The following AHNAK2 variants were observed in gnomAD, a reference collection of about 807,000 sequenced individuals.
The protein encoded by AHNAK2 is protein AHNAK2.
Under a neutral mutation model 30.7 loss-of-function variants are expected in AHNAK2, and 18 were observed. The observed-to-expected ratio is 0.59, with a 90% CI of 0.41 to 0.87. The LOEUF is 0.87. Ranked by LOEUF, AHNAK2 falls within the 40% of genes least tolerant of loss-of-function variation. AHNAK2 has a pLI of 0.00. For synonymous variants in AHNAK2, 3,590 were observed against 3,073.8 expected (o/e 1.17, Z -5.56); for missense variants, 8,604 against 7,373.0 (o/e 1.17, Z -6.11).
chr14:104,958,286 T>C (rs1899039315), intron 1 of AHNAK2, among the ~76,000 whole-genome samples: 1 of 152,054 alleles, frequency 6.6e-6, no homozygotes, highest in Admixed American at 6.5e-5. Flanking sequence ...CCATCTCTAC[T>C]AAAAATACAA....
rs765960602 is a variant in AHNAK2, at chr14:104,949,909, C to T, written c.5542G>A (p.Val1848Met). 2 of 1,589,688 alleles carry T rather than the reference C, an allele frequency of 1.3e-6. No individual in the cohort carries two copies. The highest frequency in any genetic ancestry group is 1.1e-5 in the South Asian group (1 of 90,156). ...TCGGCCTCCACCTTCGGCGCAGACA[C>T]ATCCACCGAGGCCTCGATGGACTTG... ...PGKSIEASVDVSAPKVEAEVS... is the reference protein window; with the variant it reads ...PGKSIEASVDMSAPKVEAEVS... The change falls in exon 7 of 7, where the codon GTG becomes ATG. Residue 1848 changes from valine (V) to methionine (M), a missense_variant. Transcript: ENST00000333244.
chr14:104,939,343 C>T lies in AHNAK2; in HGVS notation c.16108G>A (p.Val5370Met), dbSNP rs1416421421. Residue 5370 changes from valine to methionine, a missense_variant, in exon 7 of 7, where the codon GTG becomes ATG. By Grantham distance (21) the Val-to-Met change is conservative. Coordinates refer to ENST00000333244, the MANE Select transcript of AHNAK2 (RefSeq NM_138420.4). ...SSTDMPSQIS[V>M]VNVDQLWEDS... ...TCCCACAGTTGATCCACATTAACCA[C>T]AGAAATCTGGGATGGCATATCAGTA... The T allele has an allele frequency of 1.2e-6, 2 of 1,613,596 alleles. No individual in the cohort carries two copies. The highest frequency in any genetic ancestry group is 1.7e-6 in the Non-Finnish European group (2 of 1,179,862).
rs1383485083 is a variant in AHNAK2 at position 104,937,796 on chromosome 14, T to C, written c.*267A>G. On this transcript the variant is annotated 3_prime_UTR_variant, in exon 7 of 7. Coordinates refer to ENST00000333244, the MANE Select transcript of AHNAK2 (RefSeq NM_138420.4). Reference sequence around the variant, plus strand: ...CAACAAACTTCCCCAGCAGTGCCTCTGAGTACCGTGTGAATTCTGGTGTCT... The same window carrying C: ...CAACAAACTTCCCCAGCAGTGCCTCCGAGTACCGTGTGAATTCTGGTGTCT... The C allele has an allele frequency of 4.4e-6, 2 of 450,040 alleles. No homozygotes were observed. The highest frequency in any genetic ancestry group is 7.8e-6 in the Non-Finnish European group (2 of 256,332). The allele number at this position is 450,040 out of a possible 1,614,324, so 27.9% of individuals were successfully genotyped here.
In AHNAK2 at chr14:104,952,484, C is replaced by T. The variant is rs1179653667; in HGVS notation, c.2967G>A (p.Lys989=). The T allele has an allele frequency of 3.7e-6, 6 of 1,612,686 alleles. No individual in the cohort carries two copies. Among genetic ancestry groups the T allele is most frequent in the Non-Finnish European group, 5.1e-6 (6 of 1,179,654 alleles). The change falls in exon 7 of 7, where the codon AAG becomes AAA. Residue 989 remains lysine, a synonymous_variant. Transcript: ENST00000333244. ...WLEGDLSLAD[K]DVTAKDSKFK... ...ACTTGCTGTCTTTGGCAGTCACGTC[C>T]TTGTCGGCCAGGGACAGGTCCCCCT...
At position 104,947,332 on chromosome 14, in the gene AHNAK2, C is replaced by T. The variant is rs754004666; in HGVS notation, c.8119G>A (p.Val2707Ile). 8 of 1,612,402 alleles carry T rather than the reference C, an allele frequency of 5.0e-6. No individual in the cohort carries two copies. Among genetic ancestry groups the T allele is most frequent in the South Asian group, 1.1e-5 (1 of 91,042 alleles). The change falls in exon 7 of 7, where the codon GTC (valine) becomes ATC (isoleucine). Residue 2707 changes from valine (V) to isoleucine (I), a missense_variant. By Grantham distance (29) the Val-to-Ile change is conservative (BLOSUM62 3). Transcript: ENST00000333244. ...TTCACATCCACCTGGCCAGCCTGGA[C>T]CTCCAGTTGGGCAGAGGGGGGCTGA... ...SIQPPSAQLE[V>I]QAGQVDVKLP...
intron 1 of AHNAK2, among the ~76,000 whole-genome samples, chr14:104,962,403 G>A (rs1345455437): frequency 1.3e-5 from 2 of 152,144 alleles, no homozygotes; most frequent in Non-Finnish European, 2.9e-5. Flanking sequence ...ACACTTACAT[G>A]GCCAATTCAT....
In AHNAK2 at chr14:104,947,195, A is replaced by T. The variant is rs767016314; in HGVS notation, c.8256T>A (p.Asp2752Glu). 1 of 1,610,360 alleles carries T rather than the reference A, an allele frequency of 6.2e-7. No individual in the cohort carries two copies. The change falls in exon 7 of 7, where the codon GAT (aspartate) becomes GAA (glutamate). Residue 2752 changes from aspartate (D) to glutamate (E), a missense_variant. Physicochemically the swap from Asp to Glu is conservative, Grantham distance 45. Transcript: ENST00000333244. Reference protein sequence around the residue: ...PEVDLKGPQIDVKGPNVDLKG... With the variant: ...PEVDLKGPQIEVKGPNVDLKG... ...TCAGGTCCACGTTGGGGCCCTTAAC[A>T]TCTATCTGGGGGCCCTTGAGGTCCA...
rs1349623976 is a variant in AHNAK2 at position 104,952,955 on chromosome 14, C to A, written c.2496G>T (p.Lys832Asn). 2 of 1,612,590 alleles carry A rather than the reference C, an allele frequency of 1.2e-6. No homozygotes were observed. Among genetic ancestry groups the A allele is most frequent in the Non-Finnish European group, 1.7e-6 (2 of 1,179,544 alleles). The stretch of plus-strand genomic sequence containing the variant: ...GCATCTTGAACTTGGGCATTTTGAA[C>A]TTGCTGTCTTTGGCAGTCACCTCCT... ...ADKEVTAKDSKFKMPKFKMPS... is the reference protein window; with the variant it reads ...ADKEVTAKDSNFKMPKFKMPS... Residue 832 changes from lysine (K) to asparagine (N), a missense_variant, in exon 7 of 7, where the codon AAG (lysine) becomes AAT (asparagine). Coordinates refer to ENST00000333244, the MANE Select transcript of AHNAK2 (RefSeq NM_138420.4).
chr14:104,942,818 G>A lies in AHNAK2; in HGVS notation c.12633C>T (p.Gly4211=). 9 of 1,613,020 alleles carry A rather than the reference G, an allele frequency of 5.6e-6. No individual in the cohort carries two copies. The highest frequency in any genetic ancestry group is 6.8e-6 in the Non-Finnish European group (8 of 1,179,616). Residue 4211 remains glycine, a synonymous_variant, in exon 7 of 7, where the codon GGC becomes GGT. Transcript: ENST00000333244. Reference sequence around the variant, plus strand: ...GCACCTTGGGGAGGTGCCCTTTGAGGCCGGCTCCCTTGGGCAGGGGGCCCT... The same window carrying A: ...GCACCTTGGGGAGGTGCCCTTTGAGACCGGCTCCCTTGGGCAGGGGGCCCT... The part of the protein sequence containing the change: ...LPEGPLPKGA[G]LKGHLPKVQM...
In AHNAK2 at chr14:104,953,922, G is replaced by C. The variant is rs1263393071; in HGVS notation, c.1529C>G (p.Thr510Ser). 6.2e-7 allele frequency: 1 copy of C among 1,613,834 alleles called. No individual in the cohort carries two copies. Among genetic ancestry groups the C allele is most frequent in the Non-Finnish European group, 8.5e-7 (1 of 1,179,902 alleles). ...ATCCTGTCTCTTCCCTCGCTGTGGG[G>C]TACTAAGGCGCCTTTCTCTTTCTGG... Reference protein sequence around the residue: ...KEPERERRLSTPQRGKRQDAS... With the variant: ...KEPERERRLSSPQRGKRQDAS... The change falls in exon 7 of 7, where the codon ACC becomes AGC. Residue 510 changes from threonine to serine, a missense_variant. Thr to Ser is a moderately conservative substitution (Grantham distance 58, BLOSUM62 1). Transcript: ENST00000333244.
chr14:104,940,445 G>A lies in AHNAK2; in HGVS notation c.15006C>T (p.His5002=). 1 of 1,613,904 alleles carries A rather than the reference G, an allele frequency of 6.2e-7. No individual in the cohort carries two copies. The highest frequency in any genetic ancestry group is 2.2e-5 in the East Asian group (1 of 44,894). The change falls in exon 7 of 7, where the codon CAC becomes CAT. Residue 5002 remains histidine, a synonymous_variant. Transcript: ENST00000333244. This position sits in a 1 kb window ranked among gnomAD's most constrained non-coding sequence, Gnocchi z 4.4. Reference sequence around the variant, plus strand: ...CATCCCTCTCAGGAGGCAGATCCATGTGGATGGCAGACTGCGGGGCCACTT... The same window carrying A: ...CATCCCTCTCAGGAGGCAGATCCATATGGATGGCAGACTGCGGGGCCACTT... ...KDEVAPQSAI[H]MDLPPERDGE... is the part of the protein sequence containing the mutation.
At position 104,944,009 on chromosome 14, in the gene AHNAK2, C is replaced by A; in HGVS notation, c.11442G>T (p.Gly3814=). 1 of 1,612,726 alleles carries A rather than the reference C, an allele frequency of 6.2e-7. No individual in the cohort carries two copies. The change falls in exon 7 of 7, where the codon GGG becomes GGT. Residue 3814 remains glycine, a synonymous_variant. Coordinates refer to ENST00000333244, the MANE Select transcript of AHNAK2 (RefSeq NM_138420.4). ...CAATGGACTTGCCTGGGGCAGACACCCCAAATGACGGCATCTTGAACTTGG... is the reference window on the plus strand; with the variant it reads ...CAATGGACTTGCCTGGGGCAGACACACCAAATGACGGCATCTTGAACTTGG... ...KMPKFKMPSF[G]VSAPGKSIEA...
At position 104,961,313 on chromosome 14, in the gene AHNAK2, A is replaced by G. The variant is rs568908978; in HGVS notation, c.56-3641T>C. Reference sequence around the variant, plus strand: ...GCGGATCACGAGGTCAGGAGATCAAAACCATCCTGGCTAACACAGTGAAAC... The same window carrying G: ...GCGGATCACGAGGTCAGGAGATCAAGACCATCCTGGCTAACACAGTGAAAC... On this transcript the variant is annotated intron_variant, in intron 1 of 6. Transcript: ENST00000333244. Among the ~76,000 whole-genome samples, 738 of 151,750 alleles carry G rather than the reference A, an allele frequency of 4.9e-3. 3 individuals are homozygous for G. The highest frequency in any genetic ancestry group is 0.01 in the Middle Eastern group (3 of 288).
chr14:104,943,664 A>G lies in AHNAK2; in HGVS notation c.11787T>C (p.Val3929=), dbSNP rs767306797. 1.9e-6 allele frequency: 3 copies of G among 1,597,800 alleles called. No individual in the cohort carries two copies. Among genetic ancestry groups the G allele is most frequent in the Non-Finnish European group, 2.6e-6 (3 of 1,172,844 alleles). The change falls in exon 7 of 7, where the codon GTT becomes GTC. Residue 3929 remains valine (V), a synonymous_variant. Transcript: ENST00000333244. ...CGTCCACCTCCACGCTGGGCAGAGA[A>G]ACCTCCACATCAGGGGCTGTCACTT... ...KVEVTAPDVE[V]SLPSVEVDVE... is the part of the protein sequence containing the mutation.
rs199551056 is a variant in AHNAK2 at position 104,940,510 on chromosome 14, C to T, written c.14941G>A (p.Val4981Met). 6.2e-6 allele frequency: 10 copies of T among 1,613,672 alleles called. No individual in the cohort carries two copies. Among genetic ancestry groups the T allele is most frequent in the Middle Eastern group, 1.6e-4 (1 of 6,084 alleles). The change falls in exon 7 of 7, where the codon GTG becomes ATG. Residue 4981 changes from valine to methionine, a missense_variant. Transcript: ENST00000333244. This position sits in a 1 kb window ranked among gnomAD's most constrained non-coding sequence, Gnocchi z 4.4. The part of the protein sequence containing the change: ...TGPKVDPECS[V>M]EDSKLSLVLD... ...ACCAGGCTGAGTTTTGAGTCCTCCA[C>T]GCTGCATTCTGGGTCCACCTTTGGC...
At chr14:104,968,153 C>A (rs941531312) in intron 1 of AHNAK2, among the ~76,000 whole-genome samples, 1 of 152,228 alleles carries the variant, frequency 6.6e-6, no homozygotes, top group Non-Finnish European at 1.5e-5. Context: ...CCCCCCAGCG[C>A]CCTGGCCTCA....
At chr14:104,977,257 T>C (rs1247220292) in intron 1 of AHNAK2, among the ~76,000 whole-genome samples, 1 of 152,186 alleles carries the variant, frequency 6.6e-6, no homozygotes, top group Non-Finnish European at 1.5e-5. Flanking sequence ...TGGCTGCCAA[T>C]GCCCTGGGTG....
In AHNAK2 at chr14:104,949,956, G is replaced by A. The variant is rs374781829; in HGVS notation, c.5495C>T (p.Ser1832Leu). The A allele has an allele frequency of 3.5e-5, 56 of 1,589,032 alleles. 7 individuals carry two copies. In the African/African-American group the frequency reaches 3.6e-4, roughly 10 times the overall value. Residue 1832 changes from serine (S) to leucine (L), a missense_variant, in exon 7 of 7, where the codon TCG becomes TTG. Transcript: ENST00000333244. ...CTTGCCTGGGGCAGACACCCCGAAC[G>A]ACGGCATCTTGAACTTGGGCATTTT... Reference protein sequence around the residue: ...KFKMPKFKMPSFGVSAPGKSI... With the variant: ...KFKMPKFKMPLFGVSAPGKSI...
intron 4 of AHNAK2, among the ~76,000 whole-genome samples, chr14:104,955,987 C>T (rs145151929): frequency 4.0e-4 from 61 of 152,308 alleles, no homozygotes; most frequent in African/African-American, 1.4e-3. Context: ...TCTTCACAAA[C>T]GCGTGAAGCA....
Sources: allele counts gnomAD v4.1 joint callset (sites outside exome capture counted in the v4.1 genomes callset), GRCh38; gene constraint gnomAD v4.1.1; non-coding constraint Gnocchi (gnomAD v3.1); transcripts MANE v1.5; gene names NCBI Gene and HGNC (gene_info 2026-07-23, HGNC 2026-07-21).